The following TGM3 variants were observed in gnomAD, a reference collection of about 807,000 sequenced individuals.
The protein encoded by TGM3 is protein-glutamine gamma-glutamyltransferase E.
TGM3 carries 52 observed loss-of-function variants against 73.8 expected under a neutral mutation model. The ratio of observed to expected loss-of-function variants is 0.70; its 90% CI spans 0.56 to 0.89. The LOEUF (loss-of-function observed/expected upper bound fraction) is 0.89. Among genes scored for constraint, TGM3 ranks in the 40% least tolerant of loss-of-function variants. The pLI is 0.00. For synonymous variants in TGM3, 372 were observed against 354.9 expected (o/e 1.05, Z -0.54); for missense variants, 928 against 909.9 (o/e 1.02, Z -0.26).
chr20:2,309,680 T>C lies in TGM3; in HGVS notation c.31T>C (p.Trp11Arg), dbSNP rs1308903852. The C allele has an allele frequency of 3.1e-6, 5 of 1,614,014 alleles. No individual in the cohort carries two copies. The highest frequency in any genetic ancestry group is 4.2e-6 in the Non-Finnish European group (5 of 1,180,026). Residue 11 changes from tryptophan (W) to arginine (R), a missense_variant, in exon 2 of 13, where the codon TGG becomes CGG. Physicochemically the swap from Trp to Arg is moderately radical, Grantham distance 101. Transcript: ENST00000381458. Reference sequence around the variant, plus strand: ...AGCTCTAGGAGTCCAGAGTATCAACTGGCAGACGGCCTTCAACCGACAAGC... The same window carrying C: ...AGCTCTAGGAGTCCAGAGTATCAACCGGCAGACGGCCTTCAACCGACAAGC... MAALGVQSIN[W>R]QTAFNRQAHH...
rs575958444 is a variant in TGM3, at chr20:2,313,838, G to T, written c.669+812G>T. ...GAGCCCAGGAGTTTGCCACCAGCCTGGGTAACGTAGTGAGACCTCGTCTCT... is the reference window on the plus strand; with the variant it reads ...GAGCCCAGGAGTTTGCCACCAGCCTTGGTAACGTAGTGAGACCTCGTCTCT... On this transcript the variant is annotated intron_variant, in intron 5 of 12. Coordinates refer to ENST00000381458, the MANE Select transcript of TGM3 (RefSeq NM_003245.4). Among the ~76,000 whole-genome samples the T allele has an allele frequency of 5.9e-5, 9 of 152,218 alleles. No individual in the cohort carries two copies. The South Asian group carries it at 1.9e-3, about 32-fold the overall frequency.
At chr20:2,299,789 C>T (rs1432470683) in intron 1 of TGM3, among the ~76,000 whole-genome samples, 2 of 152,166 alleles carry the variant, frequency 1.3e-5, no homozygotes, top group African/African-American at 4.8e-5. Flanking sequence ...ACATTAGAAT[C>T]ACCAGGAAAG....
Position 2,317,449 on chromosome 20 carries a change from T to C in TGM3, c.947T>C (p.Met316Thr), listed in dbSNP as rs754582243. 22 of 1,614,110 alleles carry C rather than the reference T, an allele frequency of 1.4e-5. No homozygotes were observed. The East Asian group carries it at 4.0e-4, about 29-fold the overall frequency. ...NLSVDVYYDP[M>T]GNPLDKGSDS... ...AGTGTGGATGTGTACTACGACCCCA[T>C]GGGAAACCCCCTGGACAAGGGTAGT... Residue 316 changes from methionine to threonine, a missense_variant, in exon 7 of 13, where the codon ATG becomes ACG. Transcript: ENST00000381458.
intron 1 of TGM3, among the ~76,000 whole-genome samples, chr20:2,306,472 C>CTTTTTTTTTTTTTTTTTTT (rs33929365): frequency 3.1e-5 from 4 of 129,622 alleles, no homozygotes; most frequent in Non-Finnish European, 4.8e-5. Flanking sequence ...CTTTTCCTTT[C>CTTTTTTTTTTTTTTTTTTT]TTTTTTTTTT....
Position 2,317,442 on chromosome 20 carries a change from G to T in TGM3, c.940G>T (p.Asp314Tyr). 2 of 1,614,204 alleles carry T rather than the reference G, an allele frequency of 1.2e-6. No individual in the cohort carries two copies. The highest frequency in any genetic ancestry group is 2.2e-5 in the South Asian group (2 of 91,084). Residue 314 changes from aspartate (D) to tyrosine (Y), a missense_variant, in exon 7 of 13, where the codon GAC becomes TAC. Coordinates refer to ENST00000381458, the MANE Select transcript of TGM3 (RefSeq NM_003245.4). ...AAATCTCAGTGTGGATGTGTACTACGACCCCATGGGAAACCCCCTGGACAA... is the reference window on the plus strand; with the variant it reads ...AAATCTCAGTGTGGATGTGTACTACTACCCCATGGGAAACCCCCTGGACAA... The part of the protein sequence containing the change: ...DRNLSVDVYY[D>Y]PMGNPLDKGS...
intron 1 of TGM3, among the ~76,000 whole-genome samples, chr20:2,303,158 G>A (rs987368644): frequency 3.3e-5 from 5 of 151,984 alleles, no homozygotes; most frequent in African/African-American, 4.8e-5. Flanking sequence ...AAAATTAGCC[G>A]GGCGTGGTGG....
intron 4 of TGM3, 38 bp downstream of exon 4, chr20:2,311,167 G>C (rs1403634365): frequency 1.3e-6 from 2 of 1,539,730 alleles, no homozygotes; most frequent in Admixed American, 1.7e-5. Flanking sequence ...TAATGTCCCT[G>C]TTACCCAAGA....
intron 5 of TGM3, among the ~76,000 whole-genome samples, chr20:2,314,326 A>T (rs1002013307): frequency 6.6e-6 from 1 of 152,138 alleles, no homozygotes; most frequent in African/African-American, 2.4e-5. Flanking sequence ...ATAGAGCAAG[A>T]CCCTGTTTCC....
chr20:2,297,713 T>G (rs1169479409), intron 1 of TGM3, among the ~76,000 whole-genome samples: 1 of 152,168 alleles, frequency 6.6e-6, no homozygotes, highest in African/African-American at 2.4e-5. Flanking sequence ...CACTTGCAGT[T>G]CCCAGCTCAG....
chr20:2,310,447 C>T (rs1004957391), intron 3 of TGM3, 30 bp downstream of exon 3: 4 of 1,610,338 alleles, frequency 2.5e-6, no homozygotes, highest in South Asian at 1.1e-5. Flanking sequence ...CACTCTCAGC[C>T]CTGGCCTAAG....
chr20:2,314,636 G>T (rs2084224053), intron 5 of TGM3, among the ~76,000 whole-genome samples: 1 of 151,230 alleles, frequency 6.6e-6, no homozygotes, highest in Admixed American at 6.6e-5. Flanking sequence ...TGGGGGAATT[G>T]CATGAGTCCG....
chr20:2,332,123 G>A lies in TGM3; in HGVS notation c.1455G>A (p.Gly485=). The stretch of plus-strand genomic sequence containing the variant: ...AGGAACAGGAGCCCAGCATCATCGG[G>A]AAGCTGAAGGTCGCTGGCATGCTGG... ...ETEEQEPSII[G]KLKVAGMLAV... Residue 485 remains glycine (G), a synonymous_variant, in exon 10 of 13, where the codon GGG becomes GGA. Coordinates refer to ENST00000381458, the MANE Select transcript of TGM3 (RefSeq NM_003245.4). The surrounding 1 kb of genome is among the most constrained non-coding windows in gnomAD (Gnocchi z 4.4). 6.2e-7 allele frequency: 1 copy of A among 1,614,240 alleles called. No homozygotes were observed. The highest frequency in any genetic ancestry group is 1.6e-4 in the Middle Eastern group (1 of 6,062).
chr20:2,303,586 G>T (rs1201401757), intron 1 of TGM3, among the ~76,000 whole-genome samples: 1 of 152,180 alleles, frequency 6.6e-6, no homozygotes, highest in Non-Finnish European at 1.5e-5. Flanking sequence ...AAAAGAGAGA[G>T]TTCCTGGAAG....
At chr20:2,296,686 T>C (rs139731165) in intron 1 of TGM3, among the ~76,000 whole-genome samples, 101 of 152,102 alleles carry the variant, frequency 6.6e-4, no homozygotes, top group Non-Finnish European at 2.6e-4. Flanking sequence ...CCACAAGATG[T>C]CCTGGTCCAC....
At chr20:2,307,428 C>T (rs543705411) in intron 1 of TGM3, among the ~76,000 whole-genome samples, 2 of 152,342 alleles carry the variant, frequency 1.3e-5, no homozygotes, top group South Asian at 4.1e-4. Context: ...ATCACTCCTT[C>T]TCTTGTGCCT....
intron 9 of TGM3, among the ~76,000 whole-genome samples, chr20:2,329,900 G>A (rs895998368): frequency 2.0e-5 from 3 of 152,120 alleles, no homozygotes; most frequent in African/African-American, 7.2e-5. Context: ...AGCCTCACTG[G>A]AACAATGACT....
chr20:2,314,025 C>T (rs1388563889), intron 5 of TGM3, among the ~76,000 whole-genome samples: 2 of 151,648 alleles, frequency 1.3e-5, no homozygotes, highest in African/African-American at 4.8e-5. Flanking sequence ...AAAAAATTAG[C>T]AGGGCATGGT....
At chr20:2,304,127 C>T (rs760810587) in intron 1 of TGM3, among the ~76,000 whole-genome samples, 2 of 152,158 alleles carry the variant, frequency 1.3e-5, no homozygotes, top group African/African-American at 2.4e-5. Flanking sequence ...AAGCTGTAAA[C>T]CTGAGAACCT....
chr20:2,321,209 C>A (rs1356175477), intron 7 of TGM3, among the ~76,000 whole-genome samples: 3 of 152,180 alleles, frequency 2.0e-5, no homozygotes, highest in African/African-American at 7.2e-5. Context: ...CCAAGAGGAA[C>A]AAGATGCAGG....
Sources: allele counts gnomAD v4.1 joint callset (sites outside exome capture counted in the v4.1 genomes callset), GRCh38; gene constraint gnomAD v4.1.1; non-coding constraint Gnocchi (gnomAD v3.1); transcripts MANE v1.5; gene names NCBI Gene and HGNC (gene_info 2026-07-23, HGNC 2026-07-21).